The following GPC6 variants were observed in gnomAD, a reference collection of about 807,000 sequenced individuals.
GPC6 encodes the protein glypican-6.
GPC6 carries 14 observed loss-of-function variants against 55.2 expected under a neutral mutation model. The observed-to-expected ratio is 0.25, with a 90% CI of 0.17 to 0.40. The LOEUF (loss-of-function observed/expected upper bound fraction) is 0.40, where lower values mean the gene tolerates loss of function less well. GPC6 is among the 10% of genes least tolerant of loss of function. The pLI is 1.00. For synonymous variants in GPC6, 278 were observed against 259.6 expected (o/e 1.07, Z -0.68); for missense variants, 641 against 708.5 (o/e 0.90, Z 1.08).
intron 1 of GPC6, among the ~76,000 whole-genome samples, chr13:93,522,130 T>C (rs1881443165): frequency 6.6e-6 from 1 of 151,960 alleles, no homozygotes; most frequent in Non-Finnish European, 1.5e-5. Context: ...CTAAGCAGTT[T>C]CTAGGCACAC....
chr13:93,342,627 G>C (rs962799966), intron 1 of GPC6, among the ~76,000 whole-genome samples: 1 of 152,162 alleles, frequency 6.6e-6, no homozygotes, highest in Non-Finnish European at 1.5e-5. Context: ...GGAGTTATTG[G>C]AAGTAAGCTA....
rs141350975 is a variant in GPC6 at position 93,936,449 on chromosome 13, A to G, written c.712-91280A>G. On this transcript the variant is annotated intron_variant, in intron 3 of 8. Transcript: ENST00000377047. ...TCTATATGCATACACATCTATATAC[A>G]TATGTGTATATATTACTTTATTATT... Among the ~76,000 whole-genome samples, 821 of 152,222 alleles carry G rather than the reference A, an allele frequency of 5.4e-3. 8 individuals are homozygous for G. Among genetic ancestry groups the G allele is most frequent in the African/African-American group, 0.019 (783 of 41,534 alleles).
At chr13:94,230,575 A>T (rs1364071369) in intron 4 of GPC6, among the ~76,000 whole-genome samples, 1 of 152,110 alleles carries the variant, frequency 6.6e-6, no homozygotes, top group East Asian at 1.9e-4. Flanking sequence ...ACTAATGATC[A>T]TCTAATCCAA....
At chr13:94,196,357 C>T (rs7321299) in intron 4 of GPC6, among the ~76,000 whole-genome samples, 83,002 of 151,822 alleles carry the variant, frequency 0.55, 23,839 homozygotes, top group African/African-American at 0.73. Flanking sequence ...CAAAGCCAAG[C>T]GCATGCTATA....
chr13:93,500,395 A>G (rs528052276), intron 1 of GPC6, among the ~76,000 whole-genome samples: 71 of 152,286 alleles, frequency 4.7e-4, no homozygotes, highest in African/African-American at 1.4e-3. Flanking sequence ...CGTTGGAATA[A>G]AAGAGCATTT....
At chr13:93,433,626 T>C (rs1877456087) in intron 1 of GPC6, among the ~76,000 whole-genome samples, 2 of 152,110 alleles carry the variant, frequency 1.3e-5, no homozygotes, top group South Asian at 4.1e-4. Context: ...TAGCTTTAAG[T>C]AAAATAAGAA....
intron 2 of GPC6, among the ~76,000 whole-genome samples, chr13:93,660,346 A>G (rs950891492): frequency 6.6e-5 from 10 of 152,146 alleles, no homozygotes; most frequent in African/African-American, 1.4e-4. Flanking sequence ...AGGTATGGAA[A>G]AAAATTTTAG....
chr13:93,813,082 C>T (rs1285391813), intron 2 of GPC6, among the ~76,000 whole-genome samples: 1 of 152,128 alleles, frequency 6.6e-6, no homozygotes, highest in Non-Finnish European at 1.5e-5. Flanking sequence ...GCTGACATTT[C>T]CCCTGCACAG....
chr13:93,825,467 T>TC (rs1184174920), intron 2 of GPC6, among the ~76,000 whole-genome samples: 2 of 152,176 alleles, frequency 1.3e-5, no homozygotes, highest in African/African-American at 4.8e-5. Flanking sequence ...CTGAGCAATG[T>TC]CCATCTTTAC....
intron 1 of GPC6, among the ~76,000 whole-genome samples, chr13:93,414,553 G>A (rs1267448325): frequency 6.6e-6 from 1 of 152,116 alleles, no homozygotes; most frequent in East Asian, 1.9e-4. Context: ...CACACTGTGG[G>A]TGTTGAGGAA....
At chr13:94,091,591 T>C (rs1180591843) in intron 4 of GPC6, among the ~76,000 whole-genome samples, 1 of 152,170 alleles carries the variant, frequency 6.6e-6, no homozygotes, top group Non-Finnish European at 1.5e-5. Context: ...TATAATCAGA[T>C]GTAGCCAGCC....
chr13:93,688,124 G>A (rs925195417), intron 2 of GPC6, among the ~76,000 whole-genome samples: 16 of 152,032 alleles, frequency 1.1e-4, no homozygotes, highest in African/African-American at 2.9e-4. Flanking sequence ...TGCTGTCAAC[G>A]TTTCAATTTA....
intron 4 of GPC6, among the ~76,000 whole-genome samples, chr13:94,038,849 C>T (rs575708429): frequency 5.9e-5 from 9 of 151,978 alleles, no homozygotes; most frequent in South Asian, 4.1e-4. Context: ...GTAAGCCAAA[C>T]GCATAATAAG....
rs1053019456 is a variant in GPC6 at position 93,357,760 on chromosome 13, A to G, written c.160+130144A>G. ...TGAGGCTGGAGGATCGCTTGAGTCC[A>G]GGAGATTGAGGCTACAGTGAGCCAT... On this transcript the variant is annotated intron_variant, in intron 1 of 8. Transcript: ENST00000377047. 4.6e-5 allele frequency among the ~76,000 whole-genome samples: 7 copies of G among 152,130 alleles called. No homozygotes were observed. The South Asian group carries it at 6.2e-4, about 13-fold the overall frequency.
intron 1 of GPC6, among the ~76,000 whole-genome samples, chr13:93,318,895 G>A (rs148646391): frequency 6.6e-6 from 1 of 152,132 alleles, no homozygotes; most frequent in Non-Finnish European, 1.5e-5. Context: ...AGCTTTCCCT[G>A]CATGAACAGA....
Position 93,913,614 on chromosome 13 carries a change from G to A in GPC6, c.711+83069G>A, listed in dbSNP as rs149581144. On this transcript the variant is annotated intron_variant, in intron 3 of 8. Transcript: ENST00000377047. ...CAATTTCTGTTACTGAAGGTTTCCA[G>A]TATTTCCTCTTTAACAAAATTTCAT... 5.1e-4 allele frequency among the ~76,000 whole-genome samples: 78 copies of A among 152,154 alleles called. No individual in the cohort carries two copies. In the East Asian group the frequency reaches 0.011, roughly 21 times the overall value.
At chr13:93,442,027 A>AT (rs1344397123) in intron 1 of GPC6, among the ~76,000 whole-genome samples, 11 of 152,324 alleles carry the variant, frequency 7.2e-5, no homozygotes, top group African/African-American at 2.6e-4. Flanking sequence ...ACAGGAAAGG[A>AT]TGGGCATTTG....
At chr13:94,178,697 G>A (rs1888875308) in intron 4 of GPC6, among the ~76,000 whole-genome samples, 1 of 152,150 alleles carries the variant, frequency 6.6e-6, no homozygotes, top group Non-Finnish European at 1.5e-5. Flanking sequence ...CCTCTTTTAA[G>A]ATTTTTTTTA....
intron 6 of GPC6, among the ~76,000 whole-genome samples, chr13:94,341,665 C>G (rs1189955163): frequency 6.6e-6 from 1 of 151,388 alleles, no homozygotes; most frequent in Non-Finnish European, 1.5e-5. Flanking sequence ...TGGATTTGGT[C>G]TAATATTTTC....
Sources: gnomAD v4.1 joint callset for allele counts (sites outside exome capture counted in the v4.1 genomes callset) on GRCh38, gnomAD v4.1.1 for gene constraint, MANE v1.5 for transcripts, NCBI Gene and HGNC (gene_info 2026-07-23, HGNC 2026-07-21) for gene names.